GABBR2: variants seen among roughly 807,000 people sequenced by gnomAD.
GABBR2 encodes G-protein coupled receptor 51.
Under a neutral mutation model 105.6 loss-of-function variants are expected in GABBR2, and 23 were observed. That is an observed-to-expected ratio of 0.22 (90% CI 0.16 to 0.31). The LOEUF is 0.31. Ranked by LOEUF, GABBR2 falls within the 10% of genes least tolerant of loss-of-function variation. The pLI, the probability that GABBR2 is intolerant of heterozygous loss-of-function variation, is 1.00. For synonymous variants in GABBR2, 478 were observed against 499.7 expected, an observed-to-expected ratio of 0.96 and a Z score of 0.58; for missense variants, 734 against 1,245.5, an observed-to-expected ratio of 0.59 and a Z score of 6.18.
chr9:98,693,123 A>G (rs1307919954), intron 1 of GABBR2, among the ~76,000 whole-genome samples: 1 of 152,194 alleles, frequency 6.6e-6, no homozygotes, highest in Non-Finnish European at 1.5e-5. Flanking sequence ...AGCCAGGCTT[A>G]GCTGCCACCC....
At chr9:98,374,468 T>C (rs1049386620) in intron 11 of GABBR2, among the ~76,000 whole-genome samples, 8 of 152,230 alleles carry the variant, frequency 5.3e-5, no homozygotes, top group African/African-American at 1.9e-4. Context: ...GCTTGGATTC[T>C]GGACAGTTCC....
chr9:98,496,845 A>G (rs1381615305), intron 3 of GABBR2, among the ~76,000 whole-genome samples: 1 of 152,164 alleles, frequency 6.6e-6, no homozygotes. Context: ...CAGGCTATTC[A>G]ATTGTGTCTT....
intron 1 of GABBR2, among the ~76,000 whole-genome samples, chr9:98,677,798 G>A (rs774082814): frequency 6.6e-6 from 1 of 151,932 alleles, no homozygotes; most frequent in African/African-American, 2.4e-5. Context: ...CTCCAGCCTC[G>A]ACCTTCACAG....
chr9:98,418,553 C>A (rs201093828), intron 7 of GABBR2, among the ~76,000 whole-genome samples: 82 of 134,716 alleles, frequency 6.1e-4, no homozygotes, highest in South Asian at 9.8e-4. Context: ...ACAACAACAA[C>A]AAAAAAACCC....
At chr9:98,569,158 A>G (rs1260520897) in intron 2 of GABBR2, among the ~76,000 whole-genome samples, 1 of 152,182 alleles carries the variant, frequency 6.6e-6, no homozygotes, top group Non-Finnish European at 1.5e-5. Flanking sequence ...CAGCAGCAAC[A>G]GTTTCCAGCT....
chr9:98,398,883 C>T (rs16915649), intron 8 of GABBR2, among the ~76,000 whole-genome samples: 1,831 of 152,292 alleles, frequency 0.012, 17 homozygotes, highest in Non-Finnish European at 0.018. Flanking sequence ...GCTAGGTGGA[C>T]ATTGGCCAAA....
At chr9:98,392,250 A>C (rs1460438571) in intron 9 of GABBR2, among the ~76,000 whole-genome samples, 1 of 152,116 alleles carries the variant, frequency 6.6e-6, no homozygotes, top group Admixed American at 6.5e-5. Flanking sequence ...CTGCCCCACC[A>C]AATTCGTGTT....
At chr9:98,565,559 T>TCC (rs766536429) in intron 2 of GABBR2, among the ~76,000 whole-genome samples, 5 of 152,130 alleles carry the variant, frequency 3.3e-5, no homozygotes, top group African/African-American at 4.8e-5. Flanking sequence ...ACATAGCTCA[T>TCC]CCCATGGAGG....
intron 14 of GABBR2, among the ~76,000 whole-genome samples, chr9:98,308,377 G>A (rs1246318216): frequency 6.6e-6 from 1 of 152,214 alleles, no homozygotes. Context: ...CACTGAGGAA[G>A]ATTTCCGCTG....
intron 7 of GABBR2, among the ~76,000 whole-genome samples, chr9:98,427,593 T>C (rs1825721228): frequency 6.6e-6 from 1 of 152,198 alleles, no homozygotes; most frequent in Admixed American, 6.5e-5. Context: ...CCTTCCACAT[T>C]GAATAGGGCT....
chr9:98,329,608 G>A (rs573575873), intron 13 of GABBR2, among the ~76,000 whole-genome samples: 1 of 152,202 alleles, frequency 6.6e-6, no homozygotes, highest in Non-Finnish European at 1.5e-5. Context: ...TCTCACCAAT[G>A]GGGCATCTCG....
intron 10 of GABBR2, among the ~76,000 whole-genome samples, chr9:98,386,494 C>T (rs1258476815): frequency 6.6e-6 from 1 of 152,176 alleles, no homozygotes; most frequent in Non-Finnish European, 1.5e-5. Flanking sequence ...ACCCACTACC[C>T]CTGTCTTCAC....
At chr9:98,337,282 G>A (rs1831133484) in intron 13 of GABBR2, among the ~76,000 whole-genome samples, 1 of 152,192 alleles carries the variant, frequency 6.6e-6, no homozygotes, top group African/African-American at 2.4e-5. Flanking sequence ...TCCCGCCTGG[G>A]TGACAGAGTG....
At chr9:98,576,092 T>C (rs1828903863) in intron 2 of GABBR2, among the ~76,000 whole-genome samples, 1 of 152,206 alleles carries the variant, frequency 6.6e-6, no homozygotes, top group Non-Finnish European at 1.5e-5. Flanking sequence ...CCATAGCTTG[T>C]GCCCACCACC....
intron 5 of GABBR2, among the ~76,000 whole-genome samples, 161 bp downstream of exon 5, chr9:98,480,771 C>T (rs1201344145): frequency 1.3e-5 from 2 of 152,238 alleles, no homozygotes; most frequent in East Asian, 1.9e-4. Flanking sequence ...GTTTTAGCTC[C>T]CTGGAAAGAG....
chr9:98,306,097 A>T lies in GABBR2; in HGVS notation c.2229+24T>A. On this transcript the variant is annotated intron_variant, in intron 15 of 18. Transcript: ENST00000259455. This position sits in a 1 kb window ranked among gnomAD's most constrained non-coding sequence, Gnocchi z 5.4. Reference sequence around the variant, plus strand: ...GTGCTGGAGTCAGAGGGCAGAGGCCAGGTGGTGGGGCCAGCGCCTGTACCT... The same window carrying T: ...GTGCTGGAGTCAGAGGGCAGAGGCCTGGTGGTGGGGCCAGCGCCTGTACCT... 6.4e-7 allele frequency: 1 copy of T among 1,550,594 alleles called. No individual in the cohort carries two copies. The highest frequency in any genetic ancestry group is 8.9e-7 in the Non-Finnish European group (1 of 1,123,720).
chr9:98,367,290 T>A, intron 12 of GABBR2, among the ~76,000 whole-genome samples: 1 of 111,666 alleles, frequency 9.0e-6, no homozygotes, highest in African/African-American at 4.2e-5. Context: ...ATCTAGTATA[T>A]ATGTCAGTAA....
rs896326952 is a variant in GABBR2, at chr9:98,585,188, C to T, written c.322-7116G>A. On this transcript the variant is annotated intron_variant, in intron 1 of 18. Transcript: ENST00000259455. ...TGCCCAGAAAAGCGACACTAGCTAA[C>T]GTATACTGTGCCCTCAGCACTATTC... Among the ~76,000 whole-genome samples the T allele has an allele frequency of 8.3e-4, 126 of 152,236 alleles. 2 individuals are homozygous for T. The highest frequency in any genetic ancestry group is 3.4e-4 in the Non-Finnish European group (23 of 68,022).
chr9:98,608,029 A>C (rs1248771329), intron 1 of GABBR2: 15 of 1,299,592 alleles, frequency 1.2e-5, no homozygotes, highest in Non-Finnish European at 1.7e-5. Context: ...AAACGTCATC[A>C]GTTAGAGGAT....
Sources: gnomAD v4.1 joint callset for allele counts (sites outside exome capture counted in the v4.1 genomes callset) on GRCh38, gnomAD v4.1.1 for gene constraint, Gnocchi (gnomAD v3.1) non-coding constraint, MANE v1.5 for transcripts, NCBI Gene and HGNC (gene_info 2026-07-23, HGNC 2026-07-21) for gene names.